The following N4BP2L2 variants were observed in gnomAD, a reference collection of about 807,000 sequenced individuals.
N4BP2L2 encodes the protein NEDD4-binding protein 2-like 2.
N4BP2L2 carries 50 observed loss-of-function variants against 56.2 expected under a neutral mutation model. The observed-to-expected ratio is 0.89, with a 90% CI of 0.71 to 1.13. The LOEUF is 1.13. Among genes scored for constraint, N4BP2L2 ranks in the 50% most tolerant of loss-of-function variants. The pLI, the probability that N4BP2L2 is intolerant of heterozygous loss-of-function variation, is 0.00. For missense variants in N4BP2L2, 689 were observed against 693.8 expected (o/e 0.99, Z 0.08); for synonymous variants, 203 against 223.6 (o/e 0.91, Z 0.82).
rs139255382 is a variant in N4BP2L2, at chr13:32,501,647, T to C, written c.365+16210A>G. On this transcript the variant is annotated intron_variant, in intron 6 of 9. Coordinates refer to the N4BP2L2 transcript ENST00000357505. ...GGCTAACATGGTGAAACCCCGTCTC[T>C]ACTAAAAATACAAAAACATTAGCCG... 3.6e-3 allele frequency among the ~76,000 whole-genome samples: 551 copies of C among 152,082 alleles called. 2 individuals are homozygous for C. The highest frequency in any genetic ancestry group is 6.8e-3 in the Non-Finnish European group (461 of 67,994).
At chr13:32,452,944 G>A (rs906706593) in intron 6 of N4BP2L2, among the ~76,000 whole-genome samples, 7 of 152,092 alleles carry the variant, frequency 4.6e-5, no homozygotes, top group African/African-American at 1.7e-4. Context: ...AAAGATACAA[G>A]GACTGTAAAG....
intron 6 of N4BP2L2, chr13:32,477,235 G>T: frequency 2.8e-6 from 1 of 356,496 alleles, no homozygotes; most frequent in Non-Finnish European, 5.3e-6. Context: ...ACTATGCAAG[G>T]CTTACAAGGG....
intron 6 of N4BP2L2, among the ~76,000 whole-genome samples, chr13:32,480,859 C>T (rs1255995463): frequency 1.3e-5 from 2 of 151,862 alleles, no homozygotes; most frequent in Non-Finnish European, 2.9e-5. Context: ...TGACTCACAC[C>T]TATAATCCCA....
In N4BP2L2 at chr13:32,469,666, C is replaced by T. The variant is rs566150635; in HGVS notation, c.366-25540G>A. On this transcript the variant is annotated intron_variant, in intron 6 of 9. Transcript: ENST00000357505. ...CCTGCCTGATATTCCGTCTCTGAGA[C>T]GAAGGAGCTGACACATTTCCTGCTC... Among the ~76,000 whole-genome samples the T allele has an allele frequency of 2.6e-5, 4 of 152,332 alleles. No individual in the cohort carries two copies. In the South Asian group the frequency reaches 6.2e-4, roughly 24 times the overall value.
At chr13:32,470,381 A>G (rs2138910365) in intron 6 of N4BP2L2, among the ~76,000 whole-genome samples, 1 of 152,274 alleles carries the variant, frequency 6.6e-6, no homozygotes, top group Middle Eastern at 3.4e-3. Context: ...TGGGATTGGG[A>G]TAATGAAACT....
In N4BP2L2 at chr13:32,439,624, T is replaced by C. The variant is rs186204098; in HGVS notation, c.2105-887A>G. ...TTGGACTACGATCTCAGAACTAAAA[T>C]GTCTTCAGTTATCACTTAAAGCTCC... On this transcript the variant is annotated intron_variant, in intron 7 of 9. Coordinates refer to the N4BP2L2 transcript ENST00000357505. Among the ~76,000 whole-genome samples the C allele has an allele frequency of 2.0e-5, 3 of 152,290 alleles. No homozygotes were observed. The East Asian group carries it at 5.8e-4, about 29-fold the overall frequency.
chr13:32,472,093 T>C (rs563176062), intron 6 of N4BP2L2, among the ~76,000 whole-genome samples: 4 of 152,044 alleles, frequency 2.6e-5, no homozygotes, highest in East Asian at 1.9e-4. Context: ...TCCAGAAAAA[T>C]AGGATGGTCT....
chr13:32,478,068 T>C (rs2083723909), intron 6 of N4BP2L2: 2 of 1,288,510 alleles, frequency 1.6e-6, no homozygotes, highest in African/African-American at 3.0e-5. Flanking sequence ...AATTGTGAAA[T>C]ATATTCAGGC....
rs371866241 is a variant in N4BP2L2 at position 32,536,525 on chromosome 13, A to C, written c.503T>G (p.Ile168Ser). 1.2e-5 allele frequency: 19 copies of C among 1,613,742 alleles called. No homozygotes were observed. The African/African-American group carries it at 2.5e-4, about 22-fold the overall frequency. Residue 168 changes from isoleucine to serine, a missense_variant, in exon 2 of 6, where the codon ATT becomes AGT. Ile to Ser is a moderately radical substitution (Grantham distance 142). Coordinates refer to ENST00000267068, the Ensembl canonical transcript of N4BP2L2. ...GTAAAACTGGAATAATTCATTGTCAATCTCTGATTTTTCAGAGTTAAATTT... is the reference window on the plus strand; with the variant it reads ...GTAAAACTGGAATAATTCATTGTCACTCTCTGATTTTTCAGAGTTAAATTT...
chr13:32,460,454 A>C (rs2138681230), intron 6 of N4BP2L2, among the ~76,000 whole-genome samples: 1 of 152,356 alleles, frequency 6.6e-6, no homozygotes, highest in African/African-American at 2.4e-5. Flanking sequence ...AATTCAGTAA[A>C]GTTGCAAGAC....
chr13:32,441,600 C>G (rs1728594908), intron 7 of N4BP2L2, among the ~76,000 whole-genome samples: 1 of 151,786 alleles, frequency 6.6e-6, no homozygotes, highest in Non-Finnish European at 1.5e-5. Context: ...AGGAGAATTG[C>G]TTGAACCCGG....
At chr13:32,468,755 G>A (rs1403312980) in intron 6 of N4BP2L2, among the ~76,000 whole-genome samples, 2 of 152,164 alleles carry the variant, frequency 1.3e-5, no homozygotes, top group Non-Finnish European at 2.9e-5. Flanking sequence ...CTTTGAGAAA[G>A]GTATAACTGC....
At chr13:32,462,437 G>A (rs1344418505) in intron 6 of N4BP2L2, among the ~76,000 whole-genome samples, 1 of 152,138 alleles carries the variant, frequency 6.6e-6, no homozygotes, top group Non-Finnish European at 1.5e-5. Flanking sequence ...AGAGGCTGAG[G>A]AGGGTCTGTG....
rs778456816 is a variant in N4BP2L2, at chr13:32,443,506, C to T, written c.986G>A (p.Arg329Lys). 2.0e-5 allele frequency: 32 copies of T among 1,611,556 alleles called. No homozygotes were observed. The South Asian group carries it at 3.1e-4, about 16-fold the overall frequency. The stretch of plus-strand genomic sequence containing the variant: ...CTCTCTTAAAACTTTATCTGACATT[C>T]TGATTCCATGTTGATGGCACAGAAT... Residue 329 changes from arginine to lysine, a missense_variant, in exon 7 of 10, where the codon AGA (arginine) becomes AAA (lysine). Coordinates refer to the N4BP2L2 transcript ENST00000357505.
At chr13:32,477,430 A>T (rs2083590269) in intron 6 of N4BP2L2, 2 of 179,340 alleles carry the variant, frequency 1.1e-5, no homozygotes, top group Admixed American at 1.1e-4. Flanking sequence ...TGTGTCTCCA[A>T]CAGGAAAATA....
At chr13:32,468,701 A>G (rs986844442) in intron 6 of N4BP2L2, among the ~76,000 whole-genome samples, 13 of 152,216 alleles carry the variant, frequency 8.5e-5, no homozygotes, top group African/African-American at 3.1e-4. Context: ...TGCTTGTTAC[A>G]TAACCTGTTT....
chr13:32,496,917 T>C (rs2088817652), intron 6 of N4BP2L2, among the ~76,000 whole-genome samples: 1 of 152,172 alleles, frequency 6.6e-6, no homozygotes, highest in Admixed American at 6.5e-5. Flanking sequence ...ACTCTAACAA[T>C]ATGGGTTCTG....
At chr13:32,479,343 T>C (rs1026462754) in intron 6 of N4BP2L2, among the ~76,000 whole-genome samples, 11 of 151,870 alleles carry the variant, frequency 7.2e-5, no homozygotes, top group African/African-American at 2.4e-4. Flanking sequence ...CTCGGCTCAC[T>C]GCAAAGCTCC....
chr13:32,443,504 TTC>T lies in N4BP2L2; in HGVS notation c.986_987del (p.Arg329AsnfsTer4), dbSNP rs866087825. The T allele has an allele frequency of 3.1e-6, 5 of 1,611,940 alleles. No individual in the cohort carries two copies. The highest frequency in any genetic ancestry group is 3.4e-6 in the Non-Finnish European group (4 of 1,178,608). The stretch of plus-strand genomic sequence containing the variant: ...TCCTCTCTTAAAACTTTATCTGACA[TTC>T]TGATTCCATGTTGATGGCACAGAAT... On this transcript the variant is annotated frameshift_variant, in exon 7 of 10. Transcript: ENST00000357505. LOFTEE classifies it high-confidence loss of function.
Sources: gnomAD v4.1 joint callset for allele counts (sites outside exome capture counted in the v4.1 genomes callset) on GRCh38, gnomAD v4.1.1 for gene constraint, MANE v1.5 for transcripts, NCBI Gene and HGNC (gene_info 2026-07-23, HGNC 2026-07-21) for gene names.